PDE12: variants seen among roughly 807,000 people sequenced by gnomAD.
The protein encoded by PDE12 is phosphodiesterase 12.
Under a neutral mutation model 45.4 loss-of-function variants are expected in PDE12, and 26 were observed. The observed-to-expected ratio is 0.57, with a 90% CI of 0.42 to 0.79. The LOEUF (loss-of-function observed/expected upper bound fraction) is 0.79. Among genes scored for constraint, PDE12 ranks in the 30% least tolerant of loss-of-function variants. PDE12 has a pLI of 0.00. For synonymous variants in PDE12, 283 were observed against 323.9 expected (o/e 0.87, Z 1.36); for missense variants, 668 against 790.0 (o/e 0.85, Z 1.85).
downstream of PDE12, among the ~76,000 whole-genome samples, chr3:57,568,627 A>T (rs1272567936): frequency 1.4e-5 from 2 of 147,864 alleles, no homozygotes; most frequent in Non-Finnish European, 3.0e-5. Flanking sequence ...CACTATATTT[A>T]CCAGGTTGGT....
the PDE12 span, chr3:57,634,563 G>A: frequency 7.3e-7 from 1 of 1,372,304 alleles, no homozygotes; most frequent in Non-Finnish European, 9.7e-7. Flanking sequence ...ATTACCTTCT[G>A]TAATTGTTTT....
At chr3:57,558,494 T>C (rs2069690012) in intron 1 of PDE12, among the ~76,000 whole-genome samples, 2 of 151,572 alleles carry the variant, frequency 1.3e-5, no homozygotes, top group South Asian at 4.2e-4. Context: ...TGGACTATTA[T>C]TATTATTATT....
At chr3:57,601,905 C>A in the PDE12 span, among the ~76,000 whole-genome samples, 1 of 151,104 alleles carries the variant, frequency 6.6e-6, no homozygotes, top group Non-Finnish European at 1.5e-5. Context: ...CCACCACACC[C>A]GGCTAATTTT....
chr3:57,597,485 G>A, the PDE12 span: 298 of 200,552 alleles, frequency 1.5e-3, no homozygotes, highest in Non-Finnish European at 2.1e-3. Flanking sequence ...CGCTTCCGGT[G>A]CGCCCGAGCC....
At chr3:57,635,667 TG>T in the PDE12 span, among the ~76,000 whole-genome samples, 1 of 152,138 alleles carries the variant, frequency 6.6e-6, no homozygotes, top group East Asian at 1.9e-4. Flanking sequence ...TATCTGGGGG[TG>T]AGATTTTAAG....
At chr3:57,606,789 G>A in the PDE12 span, among the ~76,000 whole-genome samples, 1 of 152,072 alleles carries the variant, frequency 6.6e-6, no homozygotes, top group Non-Finnish European at 1.5e-5. Context: ...ATAATAGCGG[G>A]GCAGTTCCAA....
Position 57,566,141 on chromosome 3 carries a change from A to G in PDE12, c.*6137A>G, listed in dbSNP as rs564447300. The G allele has an allele frequency of 1.3e-5, 2 of 152,126 alleles. No homozygotes were observed. Among genetic ancestry groups the G allele is most frequent in the East Asian group, 3.9e-4 (2 of 5,180 alleles). The allele number at this position is 152,126 out of a possible 1,614,324, so 9.4% of individuals were successfully genotyped here. A position where few individuals can be genotyped will look rare whatever the true frequency, so the allele number is the denominator to read the frequency against. ...GACTGGCCCCCAAAAGAAGCTGCAT[A>G]CTCACTTGGCAGTCACTCCCCATTC... On this transcript the variant is annotated 3_prime_UTR_variant, in exon 3 of 3. Coordinates refer to ENST00000311180, the MANE Select transcript of PDE12 (RefSeq NM_177966.7).
chr3:57,559,655 G>C lies in PDE12; in HGVS notation c.1481G>C (p.Cys494Ser), dbSNP rs1328254852. ...TATCCTGGCATACCAGTTATATTTT[G>C]TGGGGACTTTAATAGTACACCATCA... ...DLYPGIPVIFCGDFNSTPSTG... is the reference protein window; with the variant it reads ...DLYPGIPVIFSGDFNSTPSTG... The change falls in exon 3 of 3, where the codon TGT becomes TCT. Residue 494 changes from cysteine (C) to serine (S), a missense_variant. By Grantham distance (112) the Cys-to-Ser change is moderately radical (BLOSUM62 -1). Coordinates refer to ENST00000311180, the MANE Select transcript of PDE12 (RefSeq NM_177966.7). The C allele has an allele frequency of 6.2e-7, 1 of 1,614,138 alleles. No homozygotes were observed.
In PDE12 at chr3:57,559,753, G is replaced by A. The variant is rs949333617; in HGVS notation, c.1579G>A (p.Glu527Lys). The part of the protein sequence containing the change: ...DHEDWASNGE[E>K]ERCNMSLTHF... ...TGAAGACTGGGCTTCCAATGGGGAG[G>A]AGGAAAGATGCAATATGTCTCTTAC... Residue 527 changes from glutamate to lysine, a missense_variant, in exon 3 of 3, where the codon GAG becomes AAG. By Grantham distance (56) the Glu-to-Lys change is moderately conservative. Transcript: ENST00000311180. 1.2e-6 allele frequency: 2 copies of A among 1,614,066 alleles called. No individual in the cohort carries two copies. The highest frequency in any genetic ancestry group is 2.7e-5 in the African/African-American group (2 of 74,914).
At chr3:57,638,529 A>G in the PDE12 span, among the ~76,000 whole-genome samples, 1 of 151,932 alleles carries the variant, frequency 6.6e-6, no homozygotes, top group African/African-American at 2.4e-5. Flanking sequence ...GTGGTGGTGC[A>G]TGCCTGTAAT....
chr3:57,613,900 C>CAAAAAA, the PDE12 span, among the ~76,000 whole-genome samples: 264 of 59,322 alleles, frequency 4.5e-3, no homozygotes, highest in Non-Finnish European at 5.6e-3. Flanking sequence ...GACTCCATCT[C>CAAAAAA]AAAAAAAAAA....
At chr3:57,573,052 A>C in the PDE12 span, among the ~76,000 whole-genome samples, 2 of 151,660 alleles carry the variant, frequency 1.3e-5, no homozygotes, top group Non-Finnish European at 2.9e-5. Flanking sequence ...AATACAAAAA[A>C]TTAGCCGGGC....
At chr3:57,580,467 C>T in the PDE12 span, among the ~76,000 whole-genome samples, 1 of 152,170 alleles carries the variant, frequency 6.6e-6, no homozygotes, top group Non-Finnish European at 1.5e-5. Context: ...AGAGGCGCAA[C>T]TGTAGCTCAC....
the PDE12 span, among the ~76,000 whole-genome samples, chr3:57,652,832 T>C: frequency 6.6e-6 from 1 of 152,006 alleles, no homozygotes; most frequent in East Asian, 1.9e-4. Flanking sequence ...ATAACTGTCC[T>C]GTAATCTGCA....
rs1467568732 is a variant in PDE12, at chr3:57,557,437, A to G, written c.1058A>G (p.Asp353Gly). The G allele has an allele frequency of 2.5e-6, 4 of 1,613,798 alleles. No individual in the cohort carries two copies. Among genetic ancestry groups the G allele is most frequent in the Non-Finnish European group, 2.5e-6 (3 of 1,180,030 alleles). The change falls in exon 1 of 3, where the codon GAC becomes GGC. Residue 353 changes from aspartate to glycine, a missense_variant. Coordinates refer to ENST00000311180, the MANE Select transcript of PDE12 (RefSeq NM_177966.7). ...NADVICLQEV[D>G]RAVFSDSLVP... The stretch of plus-strand genomic sequence containing the variant: ...GATGTCATCTGTTTGCAGGAGGTTG[A>G]CCGCGCAGTGTTTTCTGACAGCTTG...
At chr3:57,614,344 T>C in the PDE12 span, among the ~76,000 whole-genome samples, 1 of 152,066 alleles carries the variant, frequency 6.6e-6, no homozygotes, top group Admixed American at 6.6e-5. Flanking sequence ...AAATTAGAAG[T>C]CAATAACAAA....
At chr3:57,608,616 C>T in the PDE12 span, among the ~76,000 whole-genome samples, 1 of 151,670 alleles carries the variant, frequency 6.6e-6, no homozygotes, top group African/African-American at 2.4e-5. Flanking sequence ...GACTTTAAAC[C>T]AACAAAGATC....
chr3:57,561,366 ACTT>A lies in PDE12; in HGVS notation c.*1366_*1368del. On this transcript the variant is annotated 3_prime_UTR_variant, in exon 3 of 3. Transcript: ENST00000311180. ...CTTTTAAGCATCTCTGAAATAAAAA[ACTT>A]CTTTTTACAGACAAGCATTATAGTT... The A allele has an allele frequency of 1.0e-6, 1 of 984,624 alleles. No individual in the cohort carries two copies. The highest frequency in any genetic ancestry group is 4.7e-5 in the South Asian group (1 of 21,258). 61.0% of individuals were successfully genotyped at this position (984,624 alleles called of 1,614,324 possible). A position where few individuals can be genotyped will look rare whatever the true frequency, so the allele number is the denominator to read the frequency against.
chr3:57,576,975 A>G, the PDE12 span, among the ~76,000 whole-genome samples: 3 of 151,838 alleles, frequency 2.0e-5, no homozygotes, highest in East Asian at 1.9e-4. Flanking sequence ...TATAGATTTG[A>G]TATCTGTAAA....
Sources: allele counts gnomAD v4.1 joint callset (sites outside exome capture counted in the v4.1 genomes callset), GRCh38; gene constraint gnomAD v4.1.1; transcripts MANE v1.5; gene names NCBI Gene and HGNC (gene_info 2026-07-23, HGNC 2026-07-21).